Variants in TMOD2 observed in about 807,000 individuals in gnomAD.
TMOD2 encodes the protein tropomodulin 2.
Under a neutral mutation model 39.9 loss-of-function variants are expected in TMOD2, and 22 were observed. The observed-to-expected ratio is 0.55, with a 90% CI of 0.39 to 0.79. The LOEUF (loss-of-function observed/expected upper bound fraction) is 0.79, where lower values mean the gene tolerates loss of function less well. Among genes scored for constraint, TMOD2 ranks in the 30% least tolerant of loss-of-function variants. The pLI, the probability that TMOD2 is intolerant of heterozygous loss-of-function variation, is 0.00. For missense variants in TMOD2, 386 were observed against 413.3 expected (o/e 0.93, Z 0.57); for synonymous variants, 123 against 146.1 (o/e 0.84, Z 1.14).
At chr15:51,796,571 C>T (rs1220604332) in intron 7 of TMOD2, among the ~76,000 whole-genome samples, 1 of 152,044 alleles carries the variant, frequency 6.6e-6, no homozygotes, top group Non-Finnish European at 1.5e-5. Context: ...GTACCAAACC[C>T]GATATGTGCT....
At chr15:51,808,331 A>G in intron 9 of TMOD2, 89 bp from the exon 10 acceptor site, 2 of 1,024,112 alleles carry the variant, frequency 2.0e-6, no homozygotes, top group South Asian at 2.8e-5. Flanking sequence ...AGTGTGTGAG[A>G]TTGTCATCTT....
intron 8 of TMOD2, among the ~76,000 whole-genome samples, chr15:51,805,055 T>C (rs147262548): frequency 0.017 from 2,543 of 152,098 alleles, 86 homozygotes; most frequent in Admixed American, 0.072. Context: ...GCCTCCTAGA[T>C]TCTAGTGATT....
At chr15:51,792,079 A>G (rs1319904183) in intron 7 of TMOD2, among the ~76,000 whole-genome samples, 1 of 152,264 alleles carries the variant, frequency 6.6e-6, no homozygotes, top group Non-Finnish European at 1.5e-5. Context: ...CAGGCAACCT[A>G]CAGAATGGGA....
At chr15:51,753,519 G>A (rs1336302731) in intron 1 of TMOD2, among the ~76,000 whole-genome samples, 2 of 152,126 alleles carry the variant, frequency 1.3e-5, no homozygotes, top group Admixed American at 1.3e-4. Context: ...TAGTGAATTG[G>A]GATGTGTGAA....
intron 8 of TMOD2, among the ~76,000 whole-genome samples, chr15:51,799,122 T>C (rs1251483952): frequency 6.6e-6 from 1 of 152,148 alleles, no homozygotes; most frequent in Non-Finnish European, 1.5e-5. Context: ...TGATCAGCCA[T>C]GATGTAGAGC....
At chr15:51,803,520 T>A (rs1466402470) in intron 8 of TMOD2, among the ~76,000 whole-genome samples, 1 of 152,142 alleles carries the variant, frequency 6.6e-6, no homozygotes, top group Non-Finnish European at 1.5e-5. Context: ...CCAGATGAAA[T>A]GAAGATTTAA....
At chr15:51,767,165 A>C (rs1462588110) in intron 2 of TMOD2, 2 of 152,144 alleles carry the variant, frequency 1.3e-5, no homozygotes, top group African/African-American at 4.8e-5. Flanking sequence ...AGCTGAAATT[A>C]TAGACACATG....
At position 51,757,199 on chromosome 15, in the gene TMOD2, C is replaced by T. The variant is rs1357064141; in HGVS notation, c.-70+5487C>T. ...GGTGGATCACCTGTGATCAGGAGCT[C>T]GAGACCAGCCTGGCCAACATGGTGA... On this transcript the variant is annotated intron_variant, in intron 1 of 9. Coordinates refer to ENST00000249700, the MANE Select transcript of TMOD2 (RefSeq NM_014548.4). 5.9e-5 allele frequency among the ~76,000 whole-genome samples: 9 copies of T among 152,148 alleles called. No homozygotes were observed. In the East Asian group the frequency reaches 1.5e-3, roughly 26 times the overall value.
intron 7 of TMOD2, among the ~76,000 whole-genome samples, chr15:51,789,655 A>T (rs2055996107): frequency 6.6e-6 from 1 of 152,204 alleles, no homozygotes; most frequent in Admixed American, 6.5e-5. Context: ...ATCACAACAA[A>T]CTGTCTCTCA....
chr15:51,815,346 AGTAAAC>A lies in TMOD2; in HGVS notation c.*6893_*6898del, dbSNP rs1362041828. On this transcript the variant is annotated 3_prime_UTR_variant, in exon 10 of 10. Coordinates refer to ENST00000249700, the MANE Select transcript of TMOD2 (RefSeq NM_014548.4). ...GAAGGCAAAGAAAGAAACTGAGCAT[AGTAAAC>A]ACAGCATTTTTTTGTAGGCTCTTAT... 6.6e-6 allele frequency: 1 copy of A among 152,312 alleles called. No homozygotes were observed. The highest frequency in any genetic ancestry group is 1.5e-5 in the Non-Finnish European group (1 of 68,116). The allele number at this position is 152,312 out of a possible 1,614,324, so 9.4% of individuals were successfully genotyped here.
chr15:51,783,940 C>A (rs554755492), intron 7 of TMOD2: 1 of 152,322 alleles, frequency 6.6e-6, no homozygotes, highest in South Asian at 2.1e-4. Flanking sequence ...TTAGTAACTC[C>A]TCCTATTTAT....
intron 7 of TMOD2, among the ~76,000 whole-genome samples, chr15:51,797,786 GT>G (rs1026907820): frequency 2.0e-5 from 3 of 149,004 alleles, no homozygotes; most frequent in South Asian, 2.1e-4. Context: ...CAATGGTAAA[GT>G]TTTTTTTTAA....
intron 4 of TMOD2, among the ~76,000 whole-genome samples, chr15:51,775,723 G>A (rs2055883735): frequency 6.6e-6 from 1 of 151,752 alleles, no homozygotes; most frequent in African/African-American, 2.4e-5. Flanking sequence ...GATTACAGGT[G>A]CCCGCCACCA....
At chr15:51,769,752 C>A (rs543227998) in intron 3 of TMOD2, among the ~76,000 whole-genome samples, 3 of 152,066 alleles carry the variant, frequency 2.0e-5, no homozygotes. Context: ...CAGATCATGT[C>A]GGCTGGGCGC....
chr15:51,805,097 T>C (rs1203826108), intron 8 of TMOD2, among the ~76,000 whole-genome samples: 1 of 152,000 alleles, frequency 6.6e-6, no homozygotes, highest in Non-Finnish European at 1.5e-5. Context: ...TAGCTGGGAC[T>C]ACATTTGCAT....
chr15:51,779,264 A>G (rs754037682), intron 5 of TMOD2, among the ~76,000 whole-genome samples: 1 of 152,244 alleles, frequency 6.6e-6, no homozygotes, highest in African/African-American at 2.4e-5. Flanking sequence ...TTTCCTATTA[A>G]CAATCTGGTG....
rs1248565265 is a variant in TMOD2 at position 51,782,814 on chromosome 15, G to GAC, written c.719_720dup (p.Pro241ThrfsTer11). On this transcript the variant is annotated frameshift_variant, in exon 7 of 10. Coordinates refer to ENST00000249700, the MANE Select transcript of TMOD2 (RefSeq NM_014548.4). LOFTEE classifies it high-confidence loss of function. ...CAGCCTGGCCGCAACTCGCAGCAAT[G>GAC]ACCCTGTGGCCATTGTGAGTAAAAT... The GAC allele has an allele frequency of 5.6e-6, 9 of 1,613,790 alleles. No individual in the cohort carries two copies. The highest frequency in any genetic ancestry group is 7.6e-6 in the Non-Finnish European group (9 of 1,179,864).
At chr15:51,782,925 A>C in intron 7 of TMOD2, 97 bp downstream of exon 7, 1 of 1,165,004 alleles carries the variant, frequency 8.6e-7, no homozygotes, top group Non-Finnish European at 1.2e-6. Flanking sequence ...TAGATCTGGA[A>C]AACTTACCTT....
intron 1 of TMOD2, among the ~76,000 whole-genome samples, chr15:51,755,465 A>G (rs565095393): frequency 4.6e-5 from 7 of 152,098 alleles, no homozygotes; most frequent in Non-Finnish European, 8.8e-5. Flanking sequence ...GAGAAAGTCA[A>G]CTCCAGGACT....
Sources: gnomAD v4.1 joint callset for allele counts (sites outside exome capture counted in the v4.1 genomes callset) on GRCh38, gnomAD v4.1.1 for gene constraint, MANE v1.5 for transcripts, NCBI Gene and HGNC (gene_info 2026-07-23, HGNC 2026-07-21) for gene names.